PINX1: variants seen among roughly 807,000 people sequenced by gnomAD.
PINX1 encodes PIN2/TERF1-interacting telomerase inhibitor 1.
A neutral mutation model predicts 25.4 loss-of-function variants in PINX1; 34 were observed. The observed-to-expected ratio is 1.34, with a 90% confidence interval of 1.02 to 1.78. The LOEUF (loss-of-function observed/expected upper bound fraction) is 1.78. PINX1 is among the 40% of genes most tolerant of loss of function. The pLI is 0.00. For synonymous variants in PINX1, 197 were observed against 147.7 expected (o/e 1.33, Z -2.42); for missense variants, 592 against 404.9 (o/e 1.46, Z -3.97).
chr8:10,837,590 G>C (rs896549444), intron 1 of PINX1, among the ~76,000 whole-genome samples: 3 of 152,204 alleles, frequency 2.0e-5, no homozygotes, highest in Admixed American at 6.5e-5. Context: ...AGAATGCCCT[G>C]AATCTGCAGA....
At chr8:10,820,757 G>A (rs1283426524) in intron 5 of PINX1, among the ~76,000 whole-genome samples, 6 of 151,992 alleles carry the variant, frequency 3.9e-5, no homozygotes, top group African/African-American at 1.2e-4. Context: ...TTGACACACA[G>A]GATCTTAATA....
intron 1 of PINX1, among the ~76,000 whole-genome samples, chr8:10,835,496 G>A (rs1288225617): frequency 1.6e-4 from 24 of 152,218 alleles, no homozygotes; most frequent in Admixed American, 1.6e-3. Flanking sequence ...GTGACCTACA[G>A]ATAATAACAA....
intron 4 of PINX1, among the ~76,000 whole-genome samples, chr8:10,826,995 C>CA (rs1282837661): frequency 1.3e-5 from 2 of 151,764 alleles, no homozygotes; most frequent in Non-Finnish European, 2.9e-5. Context: ...GAATGGAGAC[C>CA]AAAAAAAGAT....
At chr8:10,834,628 T>C in intron 2 of PINX1, 38 bp downstream of exon 2, 1 of 1,606,926 alleles carries the variant, frequency 6.2e-7, no homozygotes. Context: ...TAATCTCTTT[T>C]CATAGCTCAG....
chr8:10,766,007 C>G, intron 6 of PINX1, 91 bp from the exon 7 acceptor site: 1 of 1,260,204 alleles, frequency 7.9e-7, no homozygotes, highest in South Asian at 1.4e-5. Context: ...GCGCTCACAC[C>G]TGGCACCCAC....
chr8:10,803,038 G>C (rs2129080303), intron 6 of PINX1, among the ~76,000 whole-genome samples: 1 of 152,268 alleles, frequency 6.6e-6, no homozygotes, highest in African/African-American at 2.4e-5. Context: ...CCATTCTGTG[G>C]TGGGACTAAA....
At chr8:10,807,809 G>A (rs796994647) in intron 6 of PINX1, among the ~76,000 whole-genome samples, 2 of 152,214 alleles carry the variant, frequency 1.3e-5, no homozygotes, top group South Asian at 4.1e-4. Flanking sequence ...TGAGGACACA[G>A]AGGAGCTAAA....
At chr8:10,795,103 CTT>C (rs1802045056) in intron 6 of PINX1, among the ~76,000 whole-genome samples, 1 of 152,200 alleles carries the variant, frequency 6.6e-6, no homozygotes, top group South Asian at 2.1e-4. Flanking sequence ...AGCTTCTTGA[CTT>C]TATAAATGCA....
intron 6 of PINX1, among the ~76,000 whole-genome samples, chr8:10,795,082 C>CA (rs370059263): frequency 2.6e-5 from 4 of 152,222 alleles, no homozygotes; most frequent in Middle Eastern, 3.4e-3. Flanking sequence ...AATCAGAAGA[C>CA]AAAATCCAAA....
intron 6 of PINX1, among the ~76,000 whole-genome samples, chr8:10,778,504 G>C (rs1302679153): frequency 6.6e-6 from 1 of 152,140 alleles, no homozygotes; most frequent in African/African-American, 2.4e-5. Context: ...GTGAGAGGCA[G>C]CCTTACTTTC....
chr8:10,794,206 T>C (rs1282156144), intron 6 of PINX1, among the ~76,000 whole-genome samples: 1 of 152,242 alleles, frequency 6.6e-6, no homozygotes, highest in Non-Finnish European at 1.5e-5. Flanking sequence ...AAAATATTAA[T>C]GCTCAATCAC....
At chr8:10,779,213 A>G (rs1391728222) in intron 6 of PINX1, among the ~76,000 whole-genome samples, 1 of 152,244 alleles carries the variant, frequency 6.6e-6, no homozygotes, top group Non-Finnish European at 1.5e-5. Flanking sequence ...TGACAGTGAG[A>G]TGACCACTGT....
At chr8:10,786,502 C>A (rs535358377) in intron 6 of PINX1, among the ~76,000 whole-genome samples, 6 of 152,286 alleles carry the variant, frequency 3.9e-5, no homozygotes, top group African/African-American at 1.4e-4. Flanking sequence ...AGTCCCAAGT[C>A]TCAGCGTGGC....
intron 6 of PINX1, among the ~76,000 whole-genome samples, chr8:10,793,013 C>G (rs1162737960): frequency 1.3e-5 from 2 of 152,168 alleles, no homozygotes; most frequent in African/African-American, 4.8e-5. Context: ...TTTGCTAGAT[C>G]CTGCTCCAAA....
chr8:10,825,042 CG>C (rs1400878656), intron 5 of PINX1, among the ~76,000 whole-genome samples: 2 of 152,176 alleles, frequency 1.3e-5, no homozygotes, highest in African/African-American at 4.8e-5. Context: ...GGAAGAGCCA[CG>C]GCTGCTGGAG....
At chr8:10,797,161 G>A (rs894548402) in intron 6 of PINX1, among the ~76,000 whole-genome samples, 11 of 152,252 alleles carry the variant, frequency 7.2e-5, no homozygotes, top group African/African-American at 2.6e-4. Context: ...TTCAGCAGGG[G>A]TCTTCACGCT....
At chr8:10,837,615 A>AT (rs1563243058) in intron 1 of PINX1, among the ~76,000 whole-genome samples, 6 of 151,976 alleles carry the variant, frequency 3.9e-5, no homozygotes, top group African/African-American at 1.5e-4. Context: ...CTATTTGGGA[A>AT]GTATTTAACC....
At chr8:10,771,244 C>A (rs1272248436) in intron 6 of PINX1, 1 of 152,096 alleles carries the variant, frequency 6.6e-6, no homozygotes, top group Middle Eastern at 3.1e-3. Context: ...TTGTGGAGAC[C>A]CCACCGTCAG....
intron 6 of PINX1, among the ~76,000 whole-genome samples, chr8:10,770,461 T>C (rs1801188349): frequency 6.6e-6 from 1 of 152,220 alleles, no homozygotes; most frequent in East Asian, 1.9e-4. Flanking sequence ...TGAAGCTACA[T>C]GTATCAACTC....
Sources: gnomAD v4.1 joint callset for allele counts (sites outside exome capture counted in the v4.1 genomes callset) on GRCh38, gnomAD v4.1.1 for gene constraint, MANE v1.5 for transcripts, NCBI Gene and HGNC (gene_info 2026-07-23, HGNC 2026-07-21) for gene names.